The following CELF2 variants were observed in gnomAD, a reference collection of about 807,000 sequenced individuals.
CELF2 encodes the protein CUG triplet repeat RNA-binding protein 2.
Under a neutral mutation model 62.6 loss-of-function variants are expected in CELF2, and 8 were observed. That is an observed-to-expected ratio of 0.13 (90% confidence interval 0.07 to 0.23). The LOEUF (loss-of-function observed/expected upper bound fraction) is 0.23. Among genes scored for constraint, CELF2 ranks in the 10% least tolerant of loss-of-function variants. The probability of loss-of-function intolerance (pLI) is 1.00; values close to 1 mark genes in which losing one functional copy is unlikely to be tolerated. For synonymous variants in CELF2, 258 were observed against 250.0 expected (o/e 1.03, Z -0.30); for missense variants, 333 against 671.0 (o/e 0.50, Z 5.56).
the CELF2 span, among the ~76,000 whole-genome samples, chr10:10,780,331 C>T: frequency 6.6e-6 from 1 of 151,964 alleles, no homozygotes; most frequent in Non-Finnish European, 1.5e-5. Flanking sequence ...AGGCACTTAC[C>T]CTAGGCATTT....
the CELF2 span, among the ~76,000 whole-genome samples, chr10:10,577,948 A>G: frequency 6.6e-6 from 1 of 152,200 alleles, no homozygotes; most frequent in Admixed American, 6.5e-5. Context: ...GACTTCCGCA[A>G]TGGTTGAACT....
intron 1 of CELF2, among the ~76,000 whole-genome samples, chr10:11,132,224 C>A (rs1046242792): frequency 1.1e-4 from 17 of 152,172 alleles, no homozygotes; most frequent in Admixed American, 3.3e-4. Context: ...AAACAAAGAT[C>A]ATTAGTGTTA....
In CELF2 at chr10:11,332,943, G is replaced by A. The variant is rs1328947996; in HGVS notation, c.*3890G>A. On this transcript the variant is annotated 3_prime_UTR_variant, in exon 13 of 13. Transcript: ENST00000633077. The stretch of plus-strand genomic sequence containing the variant: ...CTGTCTCTCTCTGAGAACACGGTGT[G>A]TCTCGACACGTACCACGTACGTGGA... The A allele has an allele frequency of 6.6e-6, 1 of 152,598 alleles. No homozygotes were observed. 9.5% of individuals were successfully genotyped at this position (152,598 alleles called of 1,614,324 possible). A position where few individuals can be genotyped will look rare whatever the true frequency, so the allele number is the denominator to read the frequency against.
At chr10:11,248,130 G>T (rs535664738) in intron 3 of CELF2, among the ~76,000 whole-genome samples, 3 of 152,198 alleles carry the variant, frequency 2.0e-5, no homozygotes, top group Non-Finnish European at 4.4e-5. Flanking sequence ...AAGCATTTGC[G>T]CAGCCAGTGA....
At chr10:10,857,178 C>T (rs1400523749) in intron 1 of CELF2, among the ~76,000 whole-genome samples, 1 of 152,086 alleles carries the variant, frequency 6.6e-6, no homozygotes, top group Non-Finnish European at 1.5e-5. Flanking sequence ...ATGACATTGC[C>T]TTGGTCGTTG....
At chr10:10,861,194 C>T (rs887372295) in intron 1 of CELF2, among the ~76,000 whole-genome samples, 8 of 152,066 alleles carry the variant, frequency 5.3e-5, no homozygotes, top group Admixed American at 3.3e-4. Flanking sequence ...GTGATCCTCC[C>T]ACCTCAGTAT....
At chr10:10,499,162 G>A in the CELF2 span, among the ~76,000 whole-genome samples, 36 of 151,742 alleles carry the variant, frequency 2.4e-4, no homozygotes, top group Non-Finnish European at 8.8e-5. Flanking sequence ...CGCCTCCTGG[G>A]TTCAAGCGAT....
chr10:11,189,535 A>ACT (rs1169337518), intron 2 of CELF2, among the ~76,000 whole-genome samples: 4 of 151,822 alleles, frequency 2.6e-5, no homozygotes, highest in East Asian at 1.9e-4. Context: ...TCTTCTTACT[A>ACT]CTCTCTCTCT....
chr10:11,036,687 C>T, intron 1 of CELF2, among the ~76,000 whole-genome samples: 1 of 152,200 alleles, frequency 6.6e-6, no homozygotes, highest in East Asian at 1.9e-4. Flanking sequence ...AAGATGATAT[C>T]CCTGGATCTA....
rs569489329 is a variant in CELF2 at position 11,243,099 on chromosome 10, G to A, written c.355-6054G>A. On this transcript the variant is annotated intron_variant, in intron 3 of 12. Coordinates refer to ENST00000633077, the MANE Select transcript of CELF2 (RefSeq NM_001326342.2). This position sits in a 1 kb window ranked among gnomAD's most constrained non-coding sequence, Gnocchi z 4.1. ...CTGAAGGACTATATCTCTGTGTGCC[G>A]AGATGCTCCCCTCCATGAGCTCCAC... Among the ~76,000 whole-genome samples, 95 of 152,162 alleles carry A rather than the reference G, an allele frequency of 6.2e-4. No individual in the cohort carries two copies. The highest frequency in any genetic ancestry group is 6.8e-4 in the Non-Finnish European group (46 of 67,982).
the CELF2 span, among the ~76,000 whole-genome samples, chr10:10,530,784 T>C: frequency 3.3e-5 from 5 of 152,364 alleles, no homozygotes; most frequent in African/African-American, 1.2e-4. Flanking sequence ...AAGTGGCCAA[T>C]ATGTCATGCT....
chr10:11,116,462 G>A (rs1166403736), intron 1 of CELF2, among the ~76,000 whole-genome samples: 2 of 152,242 alleles, frequency 1.3e-5, no homozygotes, highest in Non-Finnish European at 2.9e-5. Flanking sequence ...AAGTGAGCAT[G>A]TGTTCACTAA....
chr10:10,628,991 C>G, the CELF2 span, among the ~76,000 whole-genome samples: 43,604 of 151,936 alleles, frequency 0.29, 7,061 homozygotes, highest in Non-Finnish European at 0.37. Flanking sequence ...AGAAAAGGAC[C>G]CACATTGTTA....
In CELF2 at chr10:11,157,952, C is replaced by T. The variant is rs1447529440; in HGVS notation, c.75-7534C>T. Reference sequence around the variant, plus strand: ...AGATGTCGTGTGTCTTTCGTTTGCCCCCCTTGATGTGGGTCCCTTTAATCA... The same window carrying T: ...AGATGTCGTGTGTCTTTCGTTTGCCTCCCTTGATGTGGGTCCCTTTAATCA... On this transcript the variant is annotated intron_variant, in intron 1 of 12. Transcript: ENST00000633077. This position sits in a 1 kb window ranked among gnomAD's most constrained non-coding sequence, Gnocchi z 4.9. Among the ~76,000 whole-genome samples, 1 of 152,170 alleles carries T rather than the reference C, an allele frequency of 6.6e-6. No homozygotes were observed. The highest frequency in any genetic ancestry group is 1.5e-5 in the Non-Finnish European group (1 of 68,044).
At chr10:11,061,940 G>A (rs1472681445) in intron 1 of CELF2, among the ~76,000 whole-genome samples, 1 of 152,218 alleles carries the variant, frequency 6.6e-6, no homozygotes, top group Non-Finnish European at 1.5e-5. Flanking sequence ...AGCCTCCTGA[G>A]TAGCTAGAAC....
In CELF2 at chr10:11,321,288, C is replaced by T; in HGVS notation, c.1196C>T (p.Ala399Val). The change falls in exon 11 of 13, where the codon GCC (alanine) becomes GTC (valine). Residue 399 changes from alanine to valine, a missense_variant. By Grantham distance (64) the Ala-to-Val change is moderately conservative (BLOSUM62 0). This residue lies in a region of CELF2 where 253 missense variants were observed against 503.0 expected (regional missense o/e 0.50). Transcript: ENST00000633077. The surrounding 1 kb of genome is among the most constrained non-coding windows in gnomAD (Gnocchi z 6.2). ...TAGTMDALTQ[A>V]YSGIQQYAAA... ...GGCACCATGGACGCCCTCACCCAGG[C>T]CTACTCAGGAATTCAACAGTACGCA... The T allele has an allele frequency of 6.2e-7, 1 of 1,613,948 alleles. No homozygotes were observed. The highest frequency in any genetic ancestry group is 8.5e-7 in the Non-Finnish European group (1 of 1,180,008).
At position 11,087,288 on chromosome 10, in the gene CELF2, G is replaced by A. The variant is rs137859085; in HGVS notation, c.74+69125G>A. Among the ~76,000 whole-genome samples the A allele has an allele frequency of 3.9e-5, 6 of 152,270 alleles. No individual in the cohort carries two copies. The East Asian group carries it at 5.8e-4, about 15-fold the overall frequency. On this transcript the variant is annotated intron_variant, in intron 1 of 12. Coordinates refer to ENST00000633077, the MANE Select transcript of CELF2 (RefSeq NM_001326342.2). ...TGATAGGTGATGAGAGATGTGTTTC[G>A]TATATATTGGGATGGGGTGTGGATG...
chr10:10,928,886 G>C lies in CELF2; in HGVS notation c.89+8887G>C, dbSNP rs2065800857. On this transcript the variant is annotated intron_variant, in intron 2 of 13. Transcript: ENST00000636488. The surrounding 1 kb of genome is among the most constrained non-coding windows in gnomAD (Gnocchi z 4.8). ...GCCTAGCAGTGCCTGGAACATAGTA[G>C]GCACGAATAAATATTTGCATAAGTG... 6.6e-6 allele frequency among the ~76,000 whole-genome samples: 1 copy of C among 152,174 alleles called. No homozygotes were observed. Among genetic ancestry groups the C allele is most frequent in the Non-Finnish European group, 1.5e-5 (1 of 68,024 alleles).
chr10:10,843,372 C>T (rs1431849864), intron 1 of CELF2, among the ~76,000 whole-genome samples: 1 of 151,830 alleles, frequency 6.6e-6, no homozygotes, highest in Non-Finnish European at 1.5e-5. Context: ...AGTTTAATTT[C>T]ATAACCTAGA....
Sources: gnomAD v4.1 joint callset for allele counts (sites outside exome capture counted in the v4.1 genomes callset) on GRCh38, gnomAD v4.1.1 for gene constraint, gnomAD v4.1.1 regional missense constraint, Gnocchi (gnomAD v3.1) non-coding constraint, MANE v1.5 for transcripts, NCBI Gene and HGNC (gene_info 2026-07-23, HGNC 2026-07-21) for gene names.